The following GRM7 variants were observed in gnomAD, a reference collection of about 807,000 sequenced individuals.
The protein encoded by GRM7 is glutamate metabotropic receptor 7, also known as metabotropic glutamate receptor 7.
A neutral mutation model predicts 84.5 loss-of-function variants in GRM7; 35 were observed. That is an observed-to-expected ratio of 0.41 (90% CI 0.32 to 0.55). GRM7 has a LOEUF of 0.55. Among genes scored for constraint, GRM7 ranks in the 20% least tolerant of loss-of-function variants. The pLI is 0.19. For missense variants in GRM7, 1,003 were observed against 1,194.6 expected, an observed-to-expected ratio of 0.84 and a Z score of 2.36; for synonymous variants, 487 against 455.1, an observed-to-expected ratio of 1.07 and a Z score of -0.89.
chr3:7,528,896 GT>G (rs1228003210), intron 7 of GRM7, among the ~76,000 whole-genome samples: 3 of 151,804 alleles, frequency 2.0e-5, no homozygotes, highest in Non-Finnish European at 2.9e-5. Context: ...GTATGATTTA[GT>G]TTTTTTAAAT....
At chr3:7,579,599 A>C (rs991395532) in intron 8 of GRM7, among the ~76,000 whole-genome samples, 1 of 152,230 alleles carries the variant, frequency 6.6e-6, no homozygotes, top group African/African-American at 2.4e-5. Context: ...TTATAGAATT[A>C]TTAAATGTAA....
intron 1 of GRM7, among the ~76,000 whole-genome samples, chr3:6,944,899 A>G (rs1399549118): frequency 1.3e-5 from 2 of 152,042 alleles, no homozygotes; most frequent in Non-Finnish European, 2.9e-5. Flanking sequence ...CATGTCTTTG[A>G]TCTAAAATAT....
At chr3:7,127,361 G>C (rs1284896275) in intron 1 of GRM7, among the ~76,000 whole-genome samples, 3 of 152,162 alleles carry the variant, frequency 2.0e-5, no homozygotes, top group African/African-American at 7.2e-5. Flanking sequence ...ATGAGTTAAT[G>C]GGGATAGATT....
chr3:7,358,242 G>T (rs1054843583), intron 4 of GRM7, among the ~76,000 whole-genome samples: 5 of 152,116 alleles, frequency 3.3e-5, no homozygotes, highest in Non-Finnish European at 7.4e-5. Flanking sequence ...AATTATGATT[G>T]TAGAGTCCAA....
intron 8 of GRM7, among the ~76,000 whole-genome samples, chr3:7,594,585 G>A (rs1355827384): frequency 6.6e-6 from 1 of 152,092 alleles, no homozygotes; most frequent in African/African-American, 2.4e-5. Context: ...TGACAGCAGG[G>A]TGCATTTCCA....
chr3:6,903,686 G>T (rs772831085), intron 1 of GRM7, among the ~76,000 whole-genome samples: 4 of 152,094 alleles, frequency 2.6e-5, no homozygotes, highest in Non-Finnish European at 5.9e-5. Flanking sequence ...GGTAGAAGTT[G>T]TATACGTACT....
At chr3:7,067,949 T>G (rs1266489462) in intron 1 of GRM7, among the ~76,000 whole-genome samples, 1 of 151,952 alleles carries the variant, frequency 6.6e-6, no homozygotes, top group African/African-American at 2.4e-5. Context: ...CGTAAAGAAC[T>G]CACCTTGCAT....
At chr3:7,091,486 C>G (rs967257485) in intron 1 of GRM7, among the ~76,000 whole-genome samples, 1 of 151,956 alleles carries the variant, frequency 6.6e-6, no homozygotes, top group Non-Finnish European at 1.5e-5. Context: ...TTATGCTAGT[C>G]CATTTTGAAC....
At chr3:7,361,095 C>G (rs908613153) in intron 4 of GRM7, among the ~76,000 whole-genome samples, 1 of 152,078 alleles carries the variant, frequency 6.6e-6, no homozygotes, top group African/African-American at 2.4e-5. Flanking sequence ...CATTGTCTAA[C>G]CAGTGTTAAC....
rs1048479632 is a variant in GRM7 at position 7,416,885 on chromosome 3, T to G, written c.1174+1722T>G. On this transcript the variant is annotated intron_variant, in intron 5 of 9. Coordinates refer to ENST00000357716, the MANE Select transcript of GRM7 (RefSeq NM_000844.4). ...GTCTCTATGACAGGGTACATTCAAG[T>G]GCACCGGAAGTATGTAGATGATTGA... is the stretch of plus-strand genomic sequence containing the variant. 2.0e-5 allele frequency among the ~76,000 whole-genome samples: 3 copies of G among 152,112 alleles called. No homozygotes were observed. In the South Asian group the frequency reaches 6.2e-4, roughly 31 times the overall value.
chr3:7,669,558 ATG>A (rs1399574400), intron 8 of GRM7, among the ~76,000 whole-genome samples: 3 of 152,212 alleles, frequency 2.0e-5, no homozygotes, highest in Non-Finnish European at 2.9e-5. Context: ...GAAGAAAAGA[ATG>A]AGACCTAGAA....
At chr3:7,046,921 C>T (rs752912941) in intron 1 of GRM7, among the ~76,000 whole-genome samples, 4 of 151,816 alleles carry the variant, frequency 2.6e-5, no homozygotes, top group Non-Finnish European at 5.9e-5. Flanking sequence ...AGAAAGAAAG[C>T]AGAGCTGTAC....
chr3:7,288,487 C>G (rs1164668680), intron 2 of GRM7, among the ~76,000 whole-genome samples: 3 of 152,050 alleles, frequency 2.0e-5, no homozygotes, highest in African/African-American at 7.2e-5. Flanking sequence ...TTGCCCTGGT[C>G]CTGCGTTTGG....
At chr3:7,456,695 C>CTT (rs35400642) in intron 6 of GRM7, among the ~76,000 whole-genome samples, 94 of 148,170 alleles carry the variant, frequency 6.3e-4, no homozygotes, top group South Asian at 3.9e-3. Flanking sequence ...TTCTCTCTCT[C>CTT]TTTTTTTTTT....
intron 5 of GRM7, among the ~76,000 whole-genome samples, chr3:7,444,687 C>T (rs1697430505): frequency 6.6e-6 from 1 of 152,136 alleles, no homozygotes; most frequent in African/African-American, 2.4e-5. Flanking sequence ...TGTACCTAAA[C>T]ATATCCCCAC....
At chr3:6,971,370 T>G (rs726119) in intron 1 of GRM7, among the ~76,000 whole-genome samples, 2,829 of 152,256 alleles carry the variant, frequency 0.019, 123 homozygotes, top group East Asian at 0.16. Flanking sequence ...CCGAAGAACT[T>G]TTCTTCCTGA....
chr3:6,994,650 C>CA (rs1553604797), intron 1 of GRM7, among the ~76,000 whole-genome samples: 2 of 151,996 alleles, frequency 1.3e-5, no homozygotes, highest in Non-Finnish European at 2.9e-5. Flanking sequence ...ACTATTACAG[C>CA]TTTTTTTTCT....
rs142627494 is a variant in GRM7, at chr3:6,925,372, T to C, written c.519+63465T>C. ...CAATTTAACTTCAAACTCAGCACCC[T>C]TCTCAAAAGAGTTACCTGCTTTATA... On this transcript the variant is annotated intron_variant, in intron 1 of 9. Coordinates refer to ENST00000357716, the MANE Select transcript of GRM7 (RefSeq NM_000844.4). Among the ~76,000 whole-genome samples the C allele has an allele frequency of 4.8e-3, 735 of 152,310 alleles. 30 individuals are homozygous for C. Among genetic ancestry groups the C allele is most frequent in the Admixed American group, 0.042 (641 of 15,286 alleles).
intron 4 of GRM7, among the ~76,000 whole-genome samples, chr3:7,306,860 A>G (rs191544324): frequency 6.6e-6 from 1 of 152,186 alleles, no homozygotes; most frequent in Non-Finnish European, 1.5e-5. Flanking sequence ...TATTATTTTC[A>G]TAATATCACG....
Sources: gnomAD v4.1 joint callset for allele counts (sites outside exome capture counted in the v4.1 genomes callset) on GRCh38, gnomAD v4.1.1 for gene constraint, MANE v1.5 for transcripts, NCBI Gene and HGNC (gene_info 2026-07-23, HGNC 2026-07-21) for gene names.